TMEM132C: variants seen among roughly 807,000 people sequenced by gnomAD.
The protein encoded by TMEM132C is transmembrane protein 132C, also known as protein phosphatase 1, regulatory subunit 152.
Under a neutral mutation model 61.4 loss-of-function variants are expected in TMEM132C, and 29 were observed. The ratio of observed to expected loss-of-function variants is 0.47; its 90% CI spans 0.35 to 0.64. TMEM132C has a LOEUF of 0.64. Among genes scored for constraint, TMEM132C ranks in the 30% least tolerant of loss-of-function variants. TMEM132C has a pLI of 0.00. For missense variants in TMEM132C, 1,408 were observed against 1,476.9 expected (o/e 0.95, Z 0.76); for synonymous variants, 656 against 633.1 (o/e 1.04, Z -0.54).
chr12:128,345,671 TG>T (rs1307256487), intron 1 of TMEM132C, among the ~76,000 whole-genome samples: 1 of 152,238 alleles, frequency 6.6e-6, no homozygotes, highest in Non-Finnish European at 1.5e-5. Flanking sequence ...TCAGTGATGT[TG>T]AGCTTCTTTT....
Position 128,543,988 on chromosome 12 carries a change from A to G in TMEM132C, c.1006A>G (p.Ser336Gly), listed in dbSNP as rs776272877. The G allele has an allele frequency of 1.9e-6, 3 of 1,548,324 alleles. No homozygotes were observed. In the South Asian group the frequency reaches 3.6e-5, roughly 19 times the overall value. ...AKVKKGVNIL[S>G]AQTREPRQWG... ...GGTGAAGAAGGGGGTGAACATCCTG[A>G]GTGCTCAGACCCGTGAGCCCCGGCA... Residue 336 changes from serine to glycine, a missense_variant, in exon 3 of 9, where the codon AGT (serine) becomes GGT (glycine). Coordinates refer to ENST00000435159, the MANE Select transcript of TMEM132C (RefSeq NM_001136103.3).
intron 2 of TMEM132C, among the ~76,000 whole-genome samples, chr12:128,421,753 CA>C (rs1418861431): frequency 4.6e-5 from 7 of 152,236 alleles, no homozygotes; most frequent in African/African-American, 1.7e-4. Flanking sequence ...GTAGCTATAA[CA>C]TTATTTTGGA....
Position 128,697,411 on chromosome 12 carries a change from A to G in TMEM132C, c.2117A>G (p.Lys706Arg). The G allele has an allele frequency of 1.3e-6, 2 of 1,534,218 alleles. No individual in the cohort carries two copies. The highest frequency in any genetic ancestry group is 8.8e-7 in the Non-Finnish European group (1 of 1,133,640). ...VTAEEVLRTP[K>R]QEAVFSTWLQ... ...GCTGAGGAGGTGCTGCGGACCCCCA[A>G]ACAGGTAGGGGGCCAAATGCCAGAG... Residue 706 changes from lysine to arginine, a missense_variant, in exon 8 of 9, where the codon AAA becomes AGA. Lys to Arg is a conservative substitution (Grantham distance 26). Coordinates refer to ENST00000435159, the MANE Select transcript of TMEM132C (RefSeq NM_001136103.3).
chr12:128,367,600 G>T (rs1873907663), intron 1 of TMEM132C, among the ~76,000 whole-genome samples: 1 of 152,106 alleles, frequency 6.6e-6, no homozygotes, highest in Non-Finnish European at 1.5e-5. Context: ...CACTGGAGTG[G>T]CCATTTCCCA....
intron 8 of TMEM132C, among the ~76,000 whole-genome samples, chr12:128,702,916 C>T (rs184668012): frequency 1.7e-4 from 26 of 152,212 alleles, no homozygotes; most frequent in Non-Finnish European, 8.8e-5. Flanking sequence ...CGAGGTCAGA[C>T]CTGGTTTGCT....
At chr12:128,393,378 TCCTTCC>T (rs1874833848) in intron 1 of TMEM132C, among the ~76,000 whole-genome samples, 1 of 152,170 alleles carries the variant, frequency 6.6e-6, no homozygotes, top group Non-Finnish European at 1.5e-5. Flanking sequence ...AAATAGACTC[TCCTTCC>T]TAGAACTCTT....
intron 2 of TMEM132C, among the ~76,000 whole-genome samples, chr12:128,503,044 ATG>A (rs1872234789): frequency 6.6e-6 from 1 of 152,196 alleles, no homozygotes; most frequent in Non-Finnish European, 1.5e-5. Context: ...GAAGGCTAAA[ATG>A]TGTCTCATTA....
chr12:128,627,448 C>A (rs78057913), intron 4 of TMEM132C, among the ~76,000 whole-genome samples: 3,008 of 152,228 alleles, frequency 0.02, 110 homozygotes, highest in African/African-American at 0.069. Flanking sequence ...CCCAACCACC[C>A]CAGTCTGGAA....
intron 3 of TMEM132C, among the ~76,000 whole-genome samples, chr12:128,597,496 A>AGAAG (rs35995948): frequency 1.1e-3 from 167 of 149,492 alleles, no homozygotes; most frequent in African/African-American, 4.0e-3. Flanking sequence ...AAGGAAGGAA[A>AGAAG]GAAGGAAGGA....
At chr12:128,674,426 C>T (rs1438999962) in intron 5 of TMEM132C, among the ~76,000 whole-genome samples, 1 of 152,204 alleles carries the variant, frequency 6.6e-6, no homozygotes. Context: ...TATTCACATT[C>T]ACGCCTTTGT....
At chr12:128,381,152 A>G (rs1430596955) in intron 1 of TMEM132C, among the ~76,000 whole-genome samples, 1 of 152,262 alleles carries the variant, frequency 6.6e-6, no homozygotes, top group Non-Finnish European at 1.5e-5. Flanking sequence ...GCAGGACAGT[A>G]CAACGCGGGC....
At chr12:128,625,120 G>A (rs1318381253) in intron 4 of TMEM132C, among the ~76,000 whole-genome samples, 2 of 152,342 alleles carry the variant, frequency 1.3e-5, no homozygotes, top group South Asian at 4.1e-4. Context: ...ACGGCTCTCT[G>A]AACTTGAATG....
intron 1 of TMEM132C, among the ~76,000 whole-genome samples, chr12:128,274,780 A>C (rs547501733): frequency 4.7e-4 from 71 of 152,320 alleles, no homozygotes; most frequent in African/African-American, 1.6e-3. Context: ...ACCAATCCCC[A>C]GGCCTTATCC....
chr12:128,655,553 T>C (rs1225113086), intron 4 of TMEM132C, among the ~76,000 whole-genome samples: 2 of 151,756 alleles, frequency 1.3e-5, no homozygotes, highest in African/African-American at 2.4e-5. Context: ...TTAACTAGTA[T>C]GCCTTGAATT....
At chr12:128,413,928 C>T (rs1304906370) in intron 1 of TMEM132C, among the ~76,000 whole-genome samples, 2 of 152,084 alleles carry the variant, frequency 1.3e-5, no homozygotes, top group Admixed American at 1.3e-4. Context: ...TTCCTAAACC[C>T]AGGTTATAGA....
intron 2 of TMEM132C, among the ~76,000 whole-genome samples, chr12:128,480,144 C>T (rs967549356): frequency 2.0e-5 from 3 of 152,120 alleles, no homozygotes; most frequent in African/African-American, 7.2e-5. Flanking sequence ...TCTGTGGTCC[C>T]AGCTACTCTG....
At chr12:128,360,582 G>C (rs1179977794) in intron 1 of TMEM132C, among the ~76,000 whole-genome samples, 1 of 152,150 alleles carries the variant, frequency 6.6e-6, no homozygotes, top group Non-Finnish European at 1.5e-5. Context: ...GAGTTGAGAG[G>C]AATTGACCCT....
Position 128,707,894 on chromosome 12 carries a change from C to T in TMEM132C, c.*1599C>T, listed in dbSNP as rs1294939965. 2 of 151,982 alleles carry T rather than the reference C, an allele frequency of 1.3e-5. No individual in the cohort carries two copies. Among genetic ancestry groups the T allele is most frequent in the East Asian group, 3.9e-4 (2 of 5,180 alleles). The allele number at this position is 151,982 out of a possible 1,614,324, so 9.4% of individuals were successfully genotyped here. On this transcript the variant is annotated 3_prime_UTR_variant, in exon 9 of 9. Transcript: ENST00000435159. ...TGTGATGCCAATTGTCATTAAAAGG[C>T]TTTTCATGGCTTGACAAGTCAGTGT... is the stretch of plus-strand genomic sequence containing the variant.
intron 1 of TMEM132C, among the ~76,000 whole-genome samples, chr12:128,409,983 A>G (rs1050297190): frequency 3.3e-5 from 5 of 152,210 alleles, no homozygotes; most frequent in African/African-American, 1.2e-4. Flanking sequence ...AATCTAACGA[A>G]TTTAGGAATA....
Sources: allele counts gnomAD v4.1 joint callset (sites outside exome capture counted in the v4.1 genomes callset), GRCh38; gene constraint gnomAD v4.1.1; transcripts MANE v1.5; gene names NCBI Gene and HGNC (gene_info 2026-07-23, HGNC 2026-07-21).